Variants in ARSK observed in about 807,000 individuals in gnomAD.
The protein encoded by ARSK is arylsulfatase K.
In ARSK, 37 loss-of-function variants were observed where a neutral mutation model predicts 53.2. The ratio of observed to expected loss-of-function variants is 0.70; its 90% CI spans 0.54 to 0.92. The LOEUF (loss-of-function observed/expected upper bound fraction) is 0.92, where lower values mean the gene tolerates loss of function less well. Ranked by LOEUF, ARSK falls within the 40% of genes least tolerant of loss-of-function variation. The pLI is 0.00. For synonymous variants in ARSK, 208 were observed against 223.2 expected, an observed-to-expected ratio of 0.93 and a Z score of 0.61; for missense variants, 613 against 643.0, an observed-to-expected ratio of 0.95 and a Z score of 0.51.
intron 5 of ARSK, among the ~76,000 whole-genome samples, chr5:95,587,580 C>A (rs552051143): frequency 1.1e-4 from 17 of 152,128 alleles, no homozygotes; most frequent in African/African-American, 4.1e-4. Context: ...GCCATATGGA[C>A]AAATTATTTA....
At chr5:95,587,157 C>A (rs1174696747) in intron 5 of ARSK, among the ~76,000 whole-genome samples, 2 of 152,146 alleles carry the variant, frequency 1.3e-5, no homozygotes, top group Non-Finnish European at 2.9e-5. Flanking sequence ...CAAATTCATT[C>A]TCCCCAGGCC....
chr5:95,575,225 C>T (rs1290864209), intron 3 of ARSK, among the ~76,000 whole-genome samples: 2 of 152,112 alleles, frequency 1.3e-5, no homozygotes, highest in Non-Finnish European at 1.5e-5. Flanking sequence ...TATGCCAGTA[C>T]CATGCTATTT....
chr5:95,563,694 C>A (rs899836443), intron 1 of ARSK, among the ~76,000 whole-genome samples: 1 of 152,308 alleles, frequency 6.6e-6, no homozygotes, highest in South Asian at 2.1e-4. Context: ...GTGGTAGTTA[C>A]ACCAATTTGA....
intron 5 of ARSK, among the ~76,000 whole-genome samples, chr5:95,591,121 G>A (rs1749207107): frequency 6.6e-6 from 1 of 152,038 alleles, no homozygotes; most frequent in African/African-American, 2.4e-5. Context: ...CCTATTCTCT[G>A]GTAGAAACCT....
chr5:95,594,964 C>T (rs76495538), intron 6 of ARSK, among the ~76,000 whole-genome samples: 6,914 of 152,176 alleles, frequency 0.045, 206 homozygotes, highest in East Asian at 0.11. Flanking sequence ...AATGTGCATA[C>T]GTTTTGACCT....
At chr5:95,581,452 T>C (rs1281328037) in intron 3 of ARSK, among the ~76,000 whole-genome samples, 1 of 152,124 alleles carries the variant, frequency 6.6e-6, no homozygotes, top group Non-Finnish European at 1.5e-5. Context: ...AGTGGTTAGG[T>C]CAGTTAGCAC....
chr5:95,597,739 C>T (rs1479844845), intron 6 of ARSK, among the ~76,000 whole-genome samples: 1 of 151,938 alleles, frequency 6.6e-6, no homozygotes, highest in African/African-American at 2.4e-5. Flanking sequence ...ACTAAAAATA[C>T]AAAAATCAGC....
At chr5:95,561,471 T>TTA (rs1157543772) in intron 1 of ARSK, among the ~76,000 whole-genome samples, 5 of 152,146 alleles carry the variant, frequency 3.3e-5, no homozygotes, top group African/African-American at 7.3e-5. Context: ...GTTCATAGCA[T>TTA]TATAATGTTC....
chr5:95,583,330 T>C, intron 4 of ARSK, 132 bp downstream of exon 4: 1 of 766,934 alleles, frequency 1.3e-6, no homozygotes, highest in Non-Finnish European at 1.9e-6. Context: ...GACCAATAAC[T>C]AGTATGATAA....
At chr5:95,556,483 G>C (rs1748512009) in intron 1 of ARSK, 1 of 452,912 alleles carries the variant, frequency 2.2e-6, no homozygotes, top group Non-Finnish European at 3.9e-6. Flanking sequence ...GAGGAGAACA[G>C]ACCTTTCCAC....
chr5:95,579,948 C>T lies in ARSK; in HGVS notation c.417-2968C>T, dbSNP rs181451180. On this transcript the variant is annotated intron_variant, in intron 3 of 7. Transcript: ENST00000380009. ...AGAATGAGAATGAAAAAGGTAATAACGTCTTACTGTTATTACGACAATAGT... is the reference window on the plus strand; with the variant it reads ...AGAATGAGAATGAAAAAGGTAATAATGTCTTACTGTTATTACGACAATAGT... Among the ~76,000 whole-genome samples, 5 of 152,308 alleles carry T rather than the reference C, an allele frequency of 3.3e-5. 1 individual carries two copies. Among genetic ancestry groups the T allele is most frequent in the East Asian group, 1.9e-4 (1 of 5,182 alleles).
At chr5:95,579,746 T>C (rs898967714) in intron 3 of ARSK, among the ~76,000 whole-genome samples, 15 of 152,186 alleles carry the variant, frequency 9.9e-5, no homozygotes, top group Non-Finnish European at 1.8e-4. Context: ...CTTATATTTC[T>C]ATAAAGAGTT....
At chr5:95,573,837 C>T (rs189664416) in intron 3 of ARSK, among the ~76,000 whole-genome samples, 42 of 152,186 alleles carry the variant, frequency 2.8e-4, no homozygotes, top group East Asian at 1.2e-3. Flanking sequence ...GTGGAGTATC[C>T]GTCCCCTCGA....
chr5:95,566,784 G>A (rs1191790728), intron 2 of ARSK, among the ~76,000 whole-genome samples: 1 of 151,982 alleles, frequency 6.6e-6, no homozygotes, highest in Non-Finnish European at 1.5e-5. Context: ...CCTGTCTTCT[G>A]GTTTATGTTT....
At chr5:95,583,670 A>G (rs937874607) in intron 4 of ARSK, among the ~76,000 whole-genome samples, 4 of 152,184 alleles carry the variant, frequency 2.6e-5, no homozygotes, top group Non-Finnish European at 5.9e-5. Context: ...TATAATGAAA[A>G]CACTAGAAAC....
chr5:95,560,198 A>C (rs1280521675), intron 1 of ARSK, among the ~76,000 whole-genome samples: 1 of 152,228 alleles, frequency 6.6e-6, no homozygotes, highest in Non-Finnish European at 1.5e-5. Context: ...AAATAAATGA[A>C]CAGACATCCC....
At chr5:95,596,279 A>C (rs182984246) in intron 6 of ARSK, among the ~76,000 whole-genome samples, 1 of 152,330 alleles carries the variant, frequency 6.6e-6, no homozygotes, top group Non-Finnish European at 1.5e-5. Flanking sequence ...ACATCTACAA[A>C]GGACTTCTTA....
chr5:95,575,777 T>C (rs775702137), intron 3 of ARSK, among the ~76,000 whole-genome samples: 2 of 152,214 alleles, frequency 1.3e-5, no homozygotes, highest in Non-Finnish European at 2.9e-5. Context: ...TCATCTCTAA[T>C]AGTTTTTTGG....
At chr5:95,569,172 A>G (rs936075336) in intron 3 of ARSK, among the ~76,000 whole-genome samples, 3 of 152,096 alleles carry the variant, frequency 2.0e-5, no homozygotes, top group Non-Finnish European at 4.4e-5. Context: ...ACACTTGTGA[A>G]CCCCAACACG....
Sources: allele counts gnomAD v4.1 joint callset (sites outside exome capture counted in the v4.1 genomes callset), GRCh38; gene constraint gnomAD v4.1.1; transcripts MANE v1.5; gene names NCBI Gene and HGNC (gene_info 2026-07-23, HGNC 2026-07-21).